Variants in MAGI2 observed in about 807,000 individuals in gnomAD.
The protein encoded by MAGI2 is membrane-associated guanylate kinase, WW and PDZ domain-containing protein 2.
Under a neutral mutation model 133.3 loss-of-function variants are expected in MAGI2, and 35 were observed. The ratio of observed to expected loss-of-function variants is 0.26; its 90% CI spans 0.20 to 0.35. The LOEUF (loss-of-function observed/expected upper bound fraction) is 0.35. MAGI2 is among the 10% of genes least tolerant of loss of function. MAGI2 has a pLI of 1.00. For synonymous variants in MAGI2, 729 were observed against 710.6 expected, an observed-to-expected ratio of 1.03 and a Z score of -0.41; for missense variants, 1,636 against 1,863.4, an observed-to-expected ratio of 0.88 and a Z score of 2.25.
chr7:79,245,416 T>C (rs1034729796), intron 1 of MAGI2, among the ~76,000 whole-genome samples: 7 of 152,118 alleles, frequency 4.6e-5, no homozygotes, highest in African/African-American at 1.7e-4. Context: ...GAAGGGGGCG[T>C]TCTAGGCCTG....
At chr7:78,449,277 T>C (rs1788473374) in intron 6 of MAGI2, among the ~76,000 whole-genome samples, 1 of 152,014 alleles carries the variant, frequency 6.6e-6, no homozygotes, top group Non-Finnish European at 1.5e-5. Context: ...CCGTATTTCT[T>C]GAATTTTGGT....
rs189278045 is a variant in MAGI2 at position 79,210,507 on chromosome 7, T to C, written c.302-203301A>G. 1.2e-3 allele frequency among the ~76,000 whole-genome samples: 177 copies of C among 152,156 alleles called. 1 individual carries two copies. Among genetic ancestry groups the C allele is most frequent in the Non-Finnish European group, 2.1e-3 (145 of 68,032 alleles). ...TTAAGGCCCAAGTGACTAATAATAG[T>C]CTAACATGCCCACCTAAGTGTTAGT... On this transcript the variant is annotated intron_variant, in intron 1 of 21. Transcript: ENST00000354212.
At chr7:78,860,458 C>G (rs1186711627) in intron 2 of MAGI2, among the ~76,000 whole-genome samples, 1 of 152,182 alleles carries the variant, frequency 6.6e-6, no homozygotes, top group African/African-American at 2.4e-5. Context: ...AGTTTTCCTT[C>G]TAACAGTCAG....
At chr7:78,474,610 C>T (rs1207004407) in intron 6 of MAGI2, among the ~76,000 whole-genome samples, 1 of 151,830 alleles carries the variant, frequency 6.6e-6, no homozygotes, top group African/African-American at 2.4e-5. Flanking sequence ...TTCTATGAAG[C>T]AAAATTCTCT....
At chr7:78,762,914 G>GT (rs1440628889) in intron 2 of MAGI2, among the ~76,000 whole-genome samples, 3 of 152,184 alleles carry the variant, frequency 2.0e-5, no homozygotes, top group Admixed American at 6.5e-5. Flanking sequence ...ACACAGTTTA[G>GT]TTTGGTACAC....
At chr7:79,375,633 T>C (rs1483379389) in intron 1 of MAGI2, among the ~76,000 whole-genome samples, 1 of 151,934 alleles carries the variant, frequency 6.6e-6, no homozygotes, top group Non-Finnish European at 1.5e-5. Context: ...GCTAGACAGA[T>C]CTAATTGTCC....
chr7:78,351,620 T>C (rs1045382718), intron 7 of MAGI2: 1 of 152,020 alleles, frequency 6.6e-6, no homozygotes. Context: ...CTAGGCTTTC[T>C]CTAACCCCAA....
intron 2 of MAGI2, among the ~76,000 whole-genome samples, chr7:78,673,837 GGC>G (rs1814686661): frequency 6.6e-6 from 1 of 152,008 alleles, no homozygotes; most frequent in Admixed American, 6.6e-5. Context: ...TGGTCAAGCT[GGC>G]ATATAAAATT....
chr7:78,074,943 C>T (rs971054955), intron 21 of MAGI2, among the ~76,000 whole-genome samples: 7 of 152,224 alleles, frequency 4.6e-5, no homozygotes, highest in Non-Finnish European at 8.8e-5. Context: ...GGCCAGCTTT[C>T]GAGGTTGGCC....
rs920379616 is a variant in MAGI2 at position 78,654,479 on chromosome 7, T to C, written c.419-27240A>G. 1.1e-4 allele frequency among the ~76,000 whole-genome samples: 16 copies of C among 151,986 alleles called. No homozygotes were observed. In the East Asian group the frequency reaches 2.9e-3, roughly 28 times the overall value. On this transcript the variant is annotated intron_variant, in intron 2 of 21. Coordinates refer to ENST00000354212, the MANE Select transcript of MAGI2 (RefSeq NM_012301.4). The stretch of plus-strand genomic sequence containing the variant: ...TAGGTTTGGGGAATGTTGCATTTTC[T>C]GGAGTCATAATATAAATTTATAAAG...
At chr7:78,855,175 G>A (rs1793522823) in intron 2 of MAGI2, among the ~76,000 whole-genome samples, 1 of 152,058 alleles carries the variant, frequency 6.6e-6, no homozygotes, top group African/African-American at 2.4e-5. Flanking sequence ...GCTCACTGCG[G>A]CCTCCTGGGC....
At chr7:78,966,704 T>G (rs552725984) in intron 2 of MAGI2, among the ~76,000 whole-genome samples, 7 of 152,218 alleles carry the variant, frequency 4.6e-5, no homozygotes, top group African/African-American at 1.7e-4. Context: ...GTGGGATTGT[T>G]GGCACATATG....
At chr7:78,784,499 G>C (rs963461254) in intron 2 of MAGI2, among the ~76,000 whole-genome samples, 15 of 152,274 alleles carry the variant, frequency 9.9e-5, no homozygotes, top group African/African-American at 3.1e-4. Context: ...CCACCTTTCT[G>C]TCTAGGGGTT....
intron 6 of MAGI2, among the ~76,000 whole-genome samples, chr7:78,406,482 T>C (rs540096235): frequency 5.3e-5 from 8 of 151,998 alleles, no homozygotes; most frequent in Non-Finnish European, 7.4e-5. Flanking sequence ...GTAAAACAAA[T>C]TGTGATAGAA....
chr7:78,768,462 C>T (rs551495710), intron 2 of MAGI2, among the ~76,000 whole-genome samples: 1 of 152,166 alleles, frequency 6.6e-6, no homozygotes. Flanking sequence ...AATCTTATTG[C>T]CTCTGTAAGG....
intron 1 of MAGI2, among the ~76,000 whole-genome samples, chr7:79,382,069 C>G (rs907315184): frequency 6.6e-6 from 1 of 151,604 alleles, no homozygotes; most frequent in Non-Finnish European, 1.5e-5. Context: ...CCCTCTGTGA[C>G]AGTCTAACAG....
At chr7:78,943,741 T>A (rs1209834072) in intron 2 of MAGI2, among the ~76,000 whole-genome samples, 4 of 152,168 alleles carry the variant, frequency 2.6e-5, no homozygotes, top group Non-Finnish European at 5.9e-5. Context: ...GTTGCCTCGG[T>A]GGAGATAATT....
At chr7:79,450,537 G>C (rs945949966) in intron 1 of MAGI2, among the ~76,000 whole-genome samples, 1 of 152,048 alleles carries the variant, frequency 6.6e-6, no homozygotes, top group Non-Finnish European at 1.5e-5. Flanking sequence ...TGGGCTCTCT[G>C]GCTATCATTA....
At chr7:78,416,760 T>C (rs553465622) in intron 6 of MAGI2, among the ~76,000 whole-genome samples, 25 of 152,260 alleles carry the variant, frequency 1.6e-4, no homozygotes, top group Middle Eastern at 3.4e-3. Context: ...AGAGGCTTTG[T>C]AGAGCTGTCT....
Sources: gnomAD v4.1 joint callset for allele counts (sites outside exome capture counted in the v4.1 genomes callset) on GRCh38, gnomAD v4.1.1 for gene constraint, MANE v1.5 for transcripts, NCBI Gene and HGNC (gene_info 2026-07-23, HGNC 2026-07-21) for gene names.